DIAPH2: variants seen among roughly 807,000 people sequenced by gnomAD.
The protein encoded by DIAPH2 is diaphanous related formin 2, also known as protein diaphanous homolog 2.
In DIAPH2, 35 loss-of-function variants were observed where a neutral mutation model predicts 92.7. The ratio of observed to expected loss-of-function variants is 0.38; its 90% CI spans 0.29 to 0.50. The LOEUF is 0.50. Ranked by LOEUF, DIAPH2 falls within the 20% of genes least tolerant of loss-of-function variation. The probability of loss-of-function intolerance (pLI) is 0.94; values close to 1 mark genes in which losing one functional copy is unlikely to be tolerated. For missense variants in DIAPH2, 701 were observed against 819.5 expected, an observed-to-expected ratio of 0.86 and a Z score of 1.77; for synonymous variants, 301 against 280.4, an observed-to-expected ratio of 1.07 and a Z score of -0.73.
At chrX:97,000,753 T>C (rs2066138364) in intron 17 of DIAPH2, among the ~76,000 whole-genome samples, 1 of 111,925 alleles carries the variant, frequency 8.9e-6, no homozygotes, top group African/African-American at 3.3e-5. Context: ...CAAAGATTAA[T>C]CTGCCATTGT....
intron 26 of DIAPH2, among the ~76,000 whole-genome samples, chrX:97,487,846 A>G (rs1304541599): frequency 9.1e-6 from 1 of 110,355 alleles, no homozygotes; most frequent in Non-Finnish European, 1.9e-5. Flanking sequence ...GTAGTTTTTG[A>G]TTTGCATTTC....
intron 1 of DIAPH2, among the ~76,000 whole-genome samples, chrX:96,695,243 G>T (rs1362556448): frequency 8.9e-6 from 1 of 112,337 alleles, no homozygotes; most frequent in Admixed American, 9.4e-5. Flanking sequence ...GAGCCACAAC[G>T]CCTGGCGCTA....
At chrX:97,540,148 C>T (rs1452692522) in intron 26 of DIAPH2, among the ~76,000 whole-genome samples, 3 of 112,187 alleles carry the variant, frequency 2.7e-5, no homozygotes, top group Non-Finnish European at 5.6e-5. Flanking sequence ...ACACTGTTCA[C>T]ATTAGCAAGT....
intron 4 of DIAPH2, among the ~76,000 whole-genome samples, chrX:96,811,981 CT>C (rs1200132265): frequency 1.8e-5 from 2 of 111,283 alleles, no homozygotes; most frequent in East Asian, 5.7e-4. Flanking sequence ...CTAAAATTCT[CT>C]TTTTTTGTTG....
At chrX:97,001,237 T>G (rs769320352) in intron 17 of DIAPH2, among the ~76,000 whole-genome samples, 1 of 112,436 alleles carries the variant, frequency 8.9e-6, no homozygotes, top group African/African-American at 3.2e-5. Context: ...AGCTATTTCC[T>G]GACTAACTTC....
At chrX:97,336,803 AAGAC>A (rs1387907274) in intron 23 of DIAPH2, among the ~76,000 whole-genome samples, 2 of 111,900 alleles carry the variant, frequency 1.8e-5, no homozygotes, top group Non-Finnish European at 1.9e-5. Context: ...GAAGGATAAA[AAGAC>A]AGACACATAA....
At chrX:97,262,092 T>TAAAAAAA (rs35665297) in intron 23 of DIAPH2, among the ~76,000 whole-genome samples, 48 of 60,485 alleles carry the variant, frequency 7.9e-4, no homozygotes, top group East Asian at 1.6e-3. Context: ...GATGAGAAAC[T>TAAAAAAA]AAAAAAAAAA....
At chrX:97,108,734 T>G (rs2066959395) in intron 20 of DIAPH2, among the ~76,000 whole-genome samples, 1 of 112,337 alleles carries the variant, frequency 8.9e-6, no homozygotes, top group Non-Finnish European at 1.9e-5. Context: ...ACAATTTTAA[T>G]AATGACATTT....
chrX:96,723,729 A>T (rs1018997523), intron 1 of DIAPH2, among the ~76,000 whole-genome samples: 1 of 111,571 alleles, frequency 9.0e-6, no homozygotes, highest in African/African-American at 3.3e-5. Flanking sequence ...AGAAAACTTC[A>T]GTAGTATTGA....
At chrX:97,291,237 A>T (rs2068587787) in intron 23 of DIAPH2, among the ~76,000 whole-genome samples, 1 of 110,727 alleles carries the variant, frequency 9.0e-6, no homozygotes, top group Admixed American at 9.6e-5. Flanking sequence ...AAAATACAAA[A>T]AAATTATCCA....
At chrX:97,245,102 A>G (rs2068129405) in intron 22 of DIAPH2, among the ~76,000 whole-genome samples, 1 of 98,651 alleles carries the variant, frequency 1.0e-5, no homozygotes, top group Admixed American at 1.1e-4. Context: ...AAAAAAAAAA[A>G]GCCACATGAG....
intron 17 of DIAPH2, among the ~76,000 whole-genome samples, chrX:97,034,420 G>A (rs1281132306): frequency 1.8e-5 from 2 of 108,418 alleles, no homozygotes; most frequent in African/African-American, 6.7e-5. Context: ...TTAGCCTAAG[G>A]TTCCAAAAAA....
At chrX:97,482,028 G>C (rs968019934) in intron 26 of DIAPH2, among the ~76,000 whole-genome samples, 1 of 112,031 alleles carries the variant, frequency 8.9e-6, no homozygotes, top group Non-Finnish European at 1.9e-5. Flanking sequence ...AATATAACTG[G>C]TAAAAGTGTG....
chrX:96,896,203 A>G (rs1164502894), intron 5 of DIAPH2, among the ~76,000 whole-genome samples: 1 of 111,556 alleles, frequency 9.0e-6, no homozygotes, highest in Non-Finnish European at 1.9e-5. Flanking sequence ...GATGCAACCC[A>G]AAATTAATAA....
In DIAPH2 at chrX:96,957,938, T is replaced by G. The variant is rs751707103; in HGVS notation, c.1725T>G (p.Ala575=). ...PPPAPPLPGG[A]PLPPPPPPLP... is the part of the protein sequence containing the mutation. ...CCGCGCCACCTCTACCCGGAGGAGC[T>G]CCTCTTCCTCCTCCACCACCTCCTT... The change falls in exon 16 of 27, where the codon GCT becomes GCG. Residue 575 remains alanine, a synonymous_variant. Transcript: ENST00000324765. 1.7e-6 allele frequency: 2 copies of G among 1,206,926 alleles called. No homozygotes were observed. Among genetic ancestry groups the G allele is most frequent in the Non-Finnish European group, 2.2e-6 (2 of 894,091 alleles).
At chrX:97,332,009 G>T (rs1262860655) in intron 23 of DIAPH2, among the ~76,000 whole-genome samples, 1 of 111,648 alleles carries the variant, frequency 9.0e-6, no homozygotes, top group Non-Finnish European at 1.9e-5. Flanking sequence ...TCAGTATGAG[G>T]TTGCCATGTA....
chrX:97,229,041 C>G (rs1051218228), intron 22 of DIAPH2, among the ~76,000 whole-genome samples: 3 of 111,601 alleles, frequency 2.7e-5, no homozygotes, highest in Non-Finnish European at 5.7e-5. Flanking sequence ...GACAATAAGG[C>G]TGGTATGTGG....
intron 7 of DIAPH2, 132 bp from the exon 8 acceptor site, chrX:96,916,306 A>AATATTCAT (rs2065503364): frequency 1.9e-6 from 1 of 538,054 alleles, no homozygotes; most frequent in Non-Finnish European, 2.7e-6. Context: ...GCATTTGAAG[A>AATATTCAT]ATATTCATAT....
chrX:96,848,644 A>G (rs747318668), intron 4 of DIAPH2, among the ~76,000 whole-genome samples: 1 of 111,971 alleles, frequency 8.9e-6, no homozygotes, highest in East Asian at 2.8e-4. Context: ...AAATGGATAC[A>G]GGGGTTGAGC....
Sources: gnomAD v4.1 joint callset for allele counts (sites outside exome capture counted in the v4.1 genomes callset) on GRCh38, gnomAD v4.1.1 for gene constraint, MANE v1.5 for transcripts, NCBI Gene and HGNC (gene_info 2026-07-23, HGNC 2026-07-21) for gene names.